Variants in EEF2K observed in about 807,000 individuals in gnomAD.
The protein encoded by EEF2K is alternative protein EEF2K.
A neutral mutation model predicts 93.8 loss-of-function variants in EEF2K; 70 were observed. That is an observed-to-expected ratio of 0.75 (90% confidence interval 0.62 to 0.91). The LOEUF (loss-of-function observed/expected upper bound fraction) is 0.91. Ranked by LOEUF, EEF2K falls within the 40% of genes least tolerant of loss-of-function variation. The probability of loss-of-function intolerance (pLI) is 0.00; values close to 1 mark genes in which losing one functional copy is unlikely to be tolerated. For missense variants in EEF2K, 935 were observed against 972.9 expected (o/e 0.96, Z 0.52); for synonymous variants, 376 against 380.8 (o/e 0.99, Z 0.15).
chr16:22,249,459 G>A (rs73537894), intron 4 of EEF2K, among the ~76,000 whole-genome samples: 6,222 of 152,052 alleles, frequency 0.041, 429 homozygotes, highest in African/African-American at 0.14. Context: ...CCTTAACATC[G>A]GCCCGTATCA....
intron 1 of EEF2K, among the ~76,000 whole-genome samples, chr16:22,212,384 C>T (rs780888728): frequency 1.3e-5 from 2 of 151,674 alleles, no homozygotes; most frequent in South Asian, 2.1e-4. Context: ...AGTGCAGTGG[C>T]ACGATCTTGG....
chr16:22,234,869 T>A (rs910180986), intron 2 of EEF2K, among the ~76,000 whole-genome samples: 2 of 147,212 alleles, frequency 1.4e-5, no homozygotes, highest in African/African-American at 5.1e-5. Context: ...GCATAATGTT[T>A]TTTGTTGCTT....
chr16:22,264,966 C>T (rs1324634920), intron 13 of EEF2K, 86 bp downstream of exon 13: 10 of 1,497,156 alleles, frequency 6.7e-6, no homozygotes, highest in Non-Finnish European at 9.2e-6. Flanking sequence ...CATATCTCTG[C>T]TGCCTGCCCA....
At chr16:22,211,429 TGTTTTGTTTG>T (rs1437927464) in intron 1 of EEF2K, among the ~76,000 whole-genome samples, 3 of 152,080 alleles carry the variant, frequency 2.0e-5, no homozygotes, top group Non-Finnish European at 4.4e-5. Context: ...CACAGTAGGT[TGTTTTGTTTG>T]TTTTTGTTTG....
At chr16:22,210,509 G>C (rs938181174) in intron 1 of EEF2K, among the ~76,000 whole-genome samples, 6 of 152,170 alleles carry the variant, frequency 3.9e-5, no homozygotes, top group Non-Finnish European at 7.4e-5. Context: ...TGCAGTGGCT[G>C]CTGCGGCAGC....
intron 11 of EEF2K, among the ~76,000 whole-genome samples, chr16:22,262,519 AT>A (rs1281627590): frequency 6.6e-6 from 1 of 152,258 alleles, no homozygotes; most frequent in East Asian, 1.9e-4. Context: ...CAAAAAAAAA[AT>A]AAAAATGTGT....
chr16:22,243,089 G>A (rs192524167), intron 2 of EEF2K, among the ~76,000 whole-genome samples: 14 of 151,914 alleles, frequency 9.2e-5, no homozygotes, highest in Non-Finnish European at 1.5e-5. Flanking sequence ...AATAAAAAAG[G>A]CAACATATCT....
intron 1 of EEF2K, among the ~76,000 whole-genome samples, chr16:22,217,031 C>T (rs1422261568): frequency 6.6e-6 from 1 of 151,306 alleles, no homozygotes; most frequent in African/African-American, 2.4e-5. Flanking sequence ...TATGGTGACG[C>T]GTGCCTGTGG....
intron 13 of EEF2K, among the ~76,000 whole-genome samples, chr16:22,265,783 G>T (rs1002058445): frequency 6.6e-6 from 1 of 152,234 alleles, no homozygotes; most frequent in Admixed American, 6.5e-5. Context: ...CAGGAGAAAT[G>T]ATGTGTTTTT....
intron 2 of EEF2K, among the ~76,000 whole-genome samples, chr16:22,241,954 G>A (rs1244859740): frequency 6.6e-6 from 1 of 151,634 alleles, no homozygotes; most frequent in Non-Finnish European, 1.5e-5. Flanking sequence ...CAAACGTAGT[G>A]CAACCCGGTC....
chr16:22,261,809 A>G (rs2047466523), intron 11 of EEF2K, among the ~76,000 whole-genome samples: 1 of 151,988 alleles, frequency 6.6e-6, no homozygotes, highest in Admixed American at 6.6e-5. Flanking sequence ...GTTTAAGACC[A>G]GTCTGGCCAA....
rs200282636 is a variant in EEF2K, at chr16:22,244,269, TTGTGTGTGTGTGTGTGTGTG to T, written c.247-339_247-320del. Among the ~76,000 whole-genome samples, 20 of 140,136 alleles carry T rather than the reference TTGTGTGTGTGTGTGTGTGTG, an allele frequency of 1.4e-4. No homozygotes were observed. The South Asian group carries it at 4.2e-3, about 30-fold the overall frequency. The allele number at this position is 140,136 out of a possible 152,430, so 91.9% of individuals were successfully genotyped here. A position where few individuals can be genotyped will look rare whatever the true frequency, so the allele number is the denominator to read the frequency against. ...GTTATATTCTGTTTCTATATATGTA[TTGTGTGTGTGTGTGTGTGTG>T]TGTGTGTGTGTGTGTGTGTGTATAT... On this transcript the variant is annotated intron_variant, in intron 2 of 17. Transcript: ENST00000263026.
At chr16:22,249,529 G>A (rs2047328238) in intron 4 of EEF2K, among the ~76,000 whole-genome samples, 1 of 152,048 alleles carries the variant, frequency 6.6e-6, no homozygotes, top group Admixed American at 6.6e-5. Context: ...CATACCCACA[G>A]GGTAAGCACC....
intron 16 of EEF2K, among the ~76,000 whole-genome samples, chr16:22,278,762 C>G (rs2047665072): frequency 6.6e-6 from 1 of 152,102 alleles, no homozygotes; most frequent in Admixed American, 6.6e-5. Flanking sequence ...AAAGAGCCCT[C>G]CGCCCTGTTT....
At chr16:22,259,190 A>C (rs1301380311) in intron 10 of EEF2K, among the ~76,000 whole-genome samples, 1 of 152,198 alleles carries the variant, frequency 6.6e-6, no homozygotes, top group Non-Finnish European at 1.5e-5. Context: ...ATTATTTCTG[A>C]CACTGAAAGA....
intron 1 of EEF2K, among the ~76,000 whole-genome samples, chr16:22,215,607 C>T (rs1254353072): frequency 6.6e-6 from 1 of 152,152 alleles, no homozygotes; most frequent in Non-Finnish European, 1.5e-5. Context: ...GACTTAATCA[C>T]TCCTAATGCT....
intron 4 of EEF2K, among the ~76,000 whole-genome samples, chr16:22,249,382 T>A (rs1337300550): frequency 6.6e-6 from 1 of 152,140 alleles, no homozygotes; most frequent in East Asian, 1.9e-4. Context: ...AACTTTGTTT[T>A]AGTGTAATAT....
In EEF2K at chr16:22,258,652, C is replaced by G; in HGVS notation, c.1188C>G (p.Ser396=). 1.2e-6 allele frequency: 2 copies of G among 1,614,170 alleles called. No homozygotes were observed. The highest frequency in any genetic ancestry group is 1.7e-6 in the Non-Finnish European group (2 of 1,180,034). The change falls in exon 10 of 18, where the codon TCC becomes TCG. Residue 396 remains serine, a synonymous_variant. Coordinates refer to ENST00000263026, the MANE Select transcript of EEF2K (RefSeq NM_013302.5). The part of the protein sequence containing the change: ...SDVTFDSLPS[S]PSSATPHSQK... ...TGACCTTCGACTCTCTCCCTTCTTC[C>G]CCATCTTCGGCCACACCACACAGCC...
chr16:22,259,634 C>T (rs1458238436), intron 10 of EEF2K, among the ~76,000 whole-genome samples: 1 of 152,124 alleles, frequency 6.6e-6, no homozygotes, highest in Non-Finnish European at 1.5e-5. Flanking sequence ...TAATTTTTGT[C>T]ATCCATTTAA....
Sources: gnomAD v4.1 joint callset for allele counts (sites outside exome capture counted in the v4.1 genomes callset) on GRCh38, gnomAD v4.1.1 for gene constraint, MANE v1.5 for transcripts, NCBI Gene and HGNC (gene_info 2026-07-23, HGNC 2026-07-21) for gene names.